The following SLC25A21 variants were observed in gnomAD, a reference collection of about 807,000 sequenced individuals.
SLC25A21 encodes mitochondrial 2-oxodicarboxylate carrier.
Under a neutral mutation model 43.8 loss-of-function variants are expected in SLC25A21, and 47 were observed. The observed-to-expected ratio is 1.07, with a 90% CI of 0.85 to 1.37. The LOEUF (loss-of-function observed/expected upper bound fraction) is 1.37. Ranked by LOEUF, SLC25A21 falls within the 40% of genes most tolerant of loss-of-function variation. The pLI is 0.00. For synonymous variants in SLC25A21, 131 were observed against 121.3 expected (o/e 1.08, Z -0.52); for missense variants, 352 against 350.2 (o/e 1.00, Z -0.04).
At chr14:36,740,676 G>A (rs913534761) in intron 3 of SLC25A21, among the ~76,000 whole-genome samples, 1 of 142,182 alleles carries the variant, frequency 7.0e-6, no homozygotes, top group African/African-American at 2.6e-5. Flanking sequence ...GGGTGGCTAC[G>A]AGGTCACAGA....
intron 1 of SLC25A21, among the ~76,000 whole-genome samples, chr14:37,112,283 T>A (rs781202001): frequency 2.0e-5 from 3 of 152,056 alleles, no homozygotes; most frequent in Non-Finnish European, 4.4e-5. Flanking sequence ...CACGGACCAC[T>A]GGAGAACACT....
intron 7 of SLC25A21, among the ~76,000 whole-genome samples, chr14:36,709,820 A>C (rs1883755776): frequency 6.6e-6 from 1 of 152,176 alleles, no homozygotes; most frequent in Non-Finnish European, 1.5e-5. Flanking sequence ...TATGACTAAA[A>C]AAAAAAGCCC....
intron 1 of SLC25A21, among the ~76,000 whole-genome samples, chr14:36,894,321 C>T (rs1008978693): frequency 6.6e-6 from 1 of 152,132 alleles, no homozygotes; most frequent in Non-Finnish European, 1.5e-5. Flanking sequence ...GGAGTTCACT[C>T]ATGATTTGGC....
chr14:36,885,778 CA>C (rs11363758), intron 1 of SLC25A21, among the ~76,000 whole-genome samples: 3,159 of 152,218 alleles, frequency 0.021, 127 homozygotes, highest in African/African-American at 0.073. Context: ...CAGTAAACTG[CA>C]AAGCAGTGCA....
chr14:36,684,716 T>G, intron 8 of SLC25A21, 28 bp downstream of exon 8: 2 of 1,578,064 alleles, frequency 1.3e-6, no homozygotes, highest in Admixed American at 1.8e-5. Flanking sequence ...CCTCATACAT[T>G]TATTAAAATA....
At chr14:37,142,600 A>G (rs1314327577) in intron 1 of SLC25A21, among the ~76,000 whole-genome samples, 1 of 152,174 alleles carries the variant, frequency 6.6e-6, no homozygotes, top group East Asian at 1.9e-4. Context: ...GGGCTCAAGC[A>G]ATCCTCCCGA....
At chr14:37,047,785 T>A (rs1274816307) in intron 1 of SLC25A21, among the ~76,000 whole-genome samples, 3 of 152,172 alleles carry the variant, frequency 2.0e-5, no homozygotes, top group Non-Finnish European at 4.4e-5. Context: ...AAAACCTTTC[T>A]TGAATTTCAT....
intron 1 of SLC25A21, among the ~76,000 whole-genome samples, chr14:37,152,483 A>C (rs1396236723): frequency 6.6e-6 from 1 of 151,494 alleles, no homozygotes; most frequent in Non-Finnish European, 1.5e-5. Flanking sequence ...GGGTTCAAGC[A>C]ATTCTCCTGC....
At chr14:36,991,017 C>G (rs1473635469) in intron 1 of SLC25A21, among the ~76,000 whole-genome samples, 1 of 152,154 alleles carries the variant, frequency 6.6e-6, no homozygotes, top group Non-Finnish European at 1.5e-5. Context: ...TTCTATTAAA[C>G]AGCTTACAGT....
chr14:36,725,710 C>T, intron 5 of SLC25A21, 33 bp from the exon 6 acceptor site: 1 of 1,459,242 alleles, frequency 6.9e-7, no homozygotes, highest in Non-Finnish European at 9.4e-7. Context: ...TACTTTAAAA[C>T]AAGTTATCAT....
At chr14:36,708,412 A>C (rs1883669425) in intron 7 of SLC25A21, among the ~76,000 whole-genome samples, 1 of 152,230 alleles carries the variant, frequency 6.6e-6, no homozygotes, top group Non-Finnish European at 1.5e-5. Context: ...TTCACTGAAT[A>C]TCATTACAAA....
At chr14:36,836,452 C>T (rs1215369569) in intron 2 of SLC25A21, among the ~76,000 whole-genome samples, 1 of 152,156 alleles carries the variant, frequency 6.6e-6, no homozygotes, top group Non-Finnish European at 1.5e-5. Context: ...CAGCTTGAAG[C>T]CTTTAGAATT....
At chr14:37,111,030 G>C (rs192181806) in intron 1 of SLC25A21, among the ~76,000 whole-genome samples, 1 of 152,182 alleles carries the variant, frequency 6.6e-6, no homozygotes, top group Admixed American at 6.5e-5. Context: ...CCTAGCCCAG[G>C]AATGAGAAGA....
At chr14:36,780,192 T>C (rs546337452) in intron 3 of SLC25A21, among the ~76,000 whole-genome samples, 5 of 152,096 alleles carry the variant, frequency 3.3e-5, no homozygotes, top group South Asian at 2.1e-4. Flanking sequence ...TTGTAATGTC[T>C]TCTCTTTAAT....
chr14:36,983,629 T>C (rs1179543260), intron 1 of SLC25A21, among the ~76,000 whole-genome samples: 2 of 152,188 alleles, frequency 1.3e-5, no homozygotes, highest in Non-Finnish European at 2.9e-5. Context: ...AGCAATCCCA[T>C]GACTGGGTAT....
At chr14:36,816,945 A>G (rs1304791414) in intron 2 of SLC25A21, among the ~76,000 whole-genome samples, 1 of 76,846 alleles carries the variant, frequency 1.3e-5, no homozygotes, top group Non-Finnish European at 3.4e-5. Context: ...ATCTAGTGGG[A>G]AAAACCAAGA....
intron 1 of SLC25A21, among the ~76,000 whole-genome samples, chr14:37,077,732 C>T (rs1487657913): frequency 6.6e-6 from 1 of 152,060 alleles, no homozygotes; most frequent in Non-Finnish European, 1.5e-5. Context: ...TGTTTGCGTG[C>T]TTTGTCGAAA....
chr14:36,812,000 G>A (rs1011209343), intron 3 of SLC25A21, among the ~76,000 whole-genome samples: 1 of 151,992 alleles, frequency 6.6e-6, no homozygotes, highest in Admixed American at 6.6e-5. Context: ...CAAATGACAA[G>A]TTGGAAAAAT....
chr14:36,764,175 A>AGAAG (rs1886303062), intron 3 of SLC25A21, among the ~76,000 whole-genome samples: 2 of 76,306 alleles, frequency 2.6e-5, no homozygotes, highest in South Asian at 9.1e-4. Flanking sequence ...AAAGAAAGAA[A>AGAAG]GAAAGAAAGA....
Sources: allele counts gnomAD v4.1 joint callset (sites outside exome capture counted in the v4.1 genomes callset), GRCh38; gene constraint gnomAD v4.1.1; transcripts MANE v1.5; gene names NCBI Gene and HGNC (gene_info 2026-07-23, HGNC 2026-07-21).